MICAL2: variants seen among roughly 807,000 people sequenced by gnomAD.
MICAL2 encodes microtubule associated monooxygenase, calponin and LIM domain containing 2, also known as [F-actin]-monooxygenase MICAL2.
A neutral mutation model predicts 127.3 loss-of-function variants in MICAL2; 77 were observed. The ratio of observed to expected loss-of-function variants is 0.60; its 90% CI spans 0.50 to 0.73. MICAL2 has a LOEUF of 0.73. Ranked by LOEUF, MICAL2 falls within the 30% of genes least tolerant of loss-of-function variation. MICAL2 has a pLI of 0.00. For missense variants in MICAL2, 1,351 were observed against 1,434.4 expected (o/e 0.94, Z 0.94); for synonymous variants, 570 against 551.1 (o/e 1.03, Z -0.48).
At chr11:12,196,898 C>T (rs1320422311) in intron 3 of MICAL2, among the ~76,000 whole-genome samples, 1 of 152,226 alleles carries the variant, frequency 6.6e-6, no homozygotes, top group Non-Finnish European at 1.5e-5. Flanking sequence ...CCACCTCCCT[C>T]TTTCTCAGCA....
At position 12,284,409 on chromosome 11, in the gene MICAL2, A is replaced by G. The variant is rs572787525; in HGVS notation, c.255-2678A>G. ...AACACACATAGAATATAAGCTAAAA[A>G]GAAGGGATCAGCCCACTTTATGCTG... On this transcript the variant is annotated intron_variant, in intron 2 of 2. Transcript: ENST00000529028. Among the ~76,000 whole-genome samples the G allele has an allele frequency of 3.3e-5, 5 of 152,296 alleles. No homozygotes were observed. In the East Asian group the frequency reaches 7.7e-4, roughly 24 times the overall value.
chr11:12,318,439 T>C (rs1344283141), intron 29 of MICAL2, among the ~76,000 whole-genome samples: 1 of 152,234 alleles, frequency 6.6e-6, no homozygotes, highest in Non-Finnish European at 1.5e-5. Context: ...ATGTTTTGCA[T>C]TATTTTGCTT....
At chr11:12,239,341 C>T (rs948928510) in intron 16 of MICAL2, 95 bp from the exon 17 acceptor site, 38 of 1,540,252 alleles carry the variant, frequency 2.5e-5, no homozygotes, top group East Asian at 1.1e-4. Flanking sequence ...AGCCCTTCTG[C>T]GGGAAGCTAG....
chr11:12,258,539 T>A lies in MICAL2; in HGVS notation c.3214T>A (p.Leu1072Met). Residue 1072 changes from leucine to methionine, a missense_variant, in exon 25 of 28, where the codon TTG becomes ATG. By Grantham distance (15) the Leu-to-Met change is conservative. Coordinates refer to ENST00000683283, the MANE Select transcript of MICAL2 (RefSeq NM_001282663.2). ...NSKQRKRRAE[L>M]KQQREEEATW... is the part of the protein sequence containing the mutation. ...CAAACAACGGAAGAGACGGGCAGAG[T>A]TGAAGCAACAAAGAGAGGTATGTTT... is the stretch of plus-strand genomic sequence containing the variant. 1 of 1,613,738 alleles carries A rather than the reference T, an allele frequency of 6.2e-7. No homozygotes were observed. The highest frequency in any genetic ancestry group is 8.5e-7 in the Non-Finnish European group (1 of 1,179,842).
At chr11:12,129,108 T>A (rs1217732023) in intron 1 of MICAL2, among the ~76,000 whole-genome samples, 1 of 148,116 alleles carries the variant, frequency 6.8e-6, no homozygotes, top group Non-Finnish European at 1.5e-5. Flanking sequence ...GGTCTCCCCT[T>A]TACAAGACCA....
chr11:12,123,181 T>A (rs1850649492), intron 1 of MICAL2, among the ~76,000 whole-genome samples: 1 of 152,236 alleles, frequency 6.6e-6, no homozygotes, highest in Non-Finnish European at 1.5e-5. Context: ...TATTCTATAT[T>A]TTCTGAATTT....
At chr11:12,315,682 A>G (rs1246143563) in intron 29 of MICAL2, among the ~76,000 whole-genome samples, 1 of 152,164 alleles carries the variant, frequency 6.6e-6, no homozygotes, top group African/African-American at 2.4e-5. Flanking sequence ...AACTTAGGAA[A>G]TGTTTCCTGT....
At chr11:12,112,817 T>C (rs1849708716) in intron 1 of MICAL2, among the ~76,000 whole-genome samples, 1 of 152,184 alleles carries the variant, frequency 6.6e-6, no homozygotes, top group Non-Finnish European at 1.5e-5. Context: ...TTTTAAGAAC[T>C]ATGCCTGGTT....
downstream of MICAL2, chr11:12,294,032 AGT>A: frequency 6.2e-7 from 1 of 1,614,152 alleles, no homozygotes; most frequent in Non-Finnish European, 8.5e-7. Flanking sequence ...CATCCCTGAG[AGT>A]GTGCACCTCA....
intron 21 of MICAL2, among the ~76,000 whole-genome samples, chr11:12,245,327 C>G (rs891476788): frequency 2.6e-5 from 4 of 152,184 alleles, no homozygotes; most frequent in African/African-American, 9.7e-5. Flanking sequence ...GAGTGCTGGT[C>G]TGTTTCTGTG....
chr11:12,200,043 G>A (rs116806640), intron 3 of MICAL2, among the ~76,000 whole-genome samples: 3,032 of 152,288 alleles, frequency 0.02, 111 homozygotes, highest in African/African-American at 0.067. Flanking sequence ...AGCCAGAACT[G>A]GATGGGTGGA....
At chr11:12,118,149 C>G (rs1816776137) in intron 1 of MICAL2, among the ~76,000 whole-genome samples, 1 of 152,174 alleles carries the variant, frequency 6.6e-6, no homozygotes, top group Admixed American at 6.5e-5. Context: ...TGTTGGTTAT[C>G]TTGTATCTTG....
At chr11:12,355,955 A>G (rs1367897208) in intron 34 of MICAL2, among the ~76,000 whole-genome samples, 1 of 151,690 alleles carries the variant, frequency 6.6e-6, no homozygotes, top group Non-Finnish European at 1.5e-5. Flanking sequence ...CTGAGAGAGG[A>G]TTTTTTTTTT....
intron 1 of MICAL2, among the ~76,000 whole-genome samples, chr11:12,278,833 T>A (rs1349043805): frequency 1.3e-5 from 2 of 152,174 alleles, no homozygotes; most frequent in Admixed American, 1.3e-4. Flanking sequence ...GTGGGGAAGA[T>A]TTCAGAGAAG....
At chr11:12,123,386 T>C (rs1436684151) in intron 1 of MICAL2, among the ~76,000 whole-genome samples, 1 of 152,218 alleles carries the variant, frequency 6.6e-6, no homozygotes. Flanking sequence ...TATTTCTTCA[T>C]CTCTCTTGTC....
chr11:12,267,890 G>A (rs1023549694), downstream of MICAL2, among the ~76,000 whole-genome samples: 1 of 152,162 alleles, frequency 6.6e-6, no homozygotes, highest in Admixed American at 6.5e-5. Context: ...ACTGTGCCTG[G>A]CCTGGATGAT....
intron 26 of MICAL2, chr11:12,261,993 G>A: frequency 1.0e-6 from 1 of 1,000,876 alleles, no homozygotes; most frequent in Non-Finnish European, 1.2e-6. Context: ...AGTGTTCCAT[G>A]AAGCCCGAGT....
At chr11:12,301,500 T>C (rs1042266789) in intron 29 of MICAL2, among the ~76,000 whole-genome samples, 1 of 152,226 alleles carries the variant, frequency 6.6e-6, no homozygotes, top group African/African-American at 2.4e-5. Flanking sequence ...TGTGCTTGTG[T>C]CTGTTGAGTA....
intron 2 of MICAL2, among the ~76,000 whole-genome samples, chr11:12,156,704 G>A (rs1854222636): frequency 6.6e-6 from 1 of 152,216 alleles, no homozygotes; most frequent in Non-Finnish European, 1.5e-5. Flanking sequence ...CTGGGAGCCA[G>A]GTGTTCCTGC....
Sources: allele counts gnomAD v4.1 joint callset (sites outside exome capture counted in the v4.1 genomes callset), GRCh38; gene constraint gnomAD v4.1.1; transcripts MANE v1.5; gene names NCBI Gene and HGNC (gene_info 2026-07-23, HGNC 2026-07-21).